ATRNL1: variants seen among roughly 807,000 people sequenced by gnomAD.
ATRNL1 encodes attractin-like protein 1.
A neutral mutation model predicts 182.7 loss-of-function variants in ATRNL1; 95 were observed. The observed-to-expected ratio is 0.52, with a 90% CI of 0.44 to 0.62. The LOEUF is 0.62. Ranked by LOEUF, ATRNL1 falls within the 20% of genes least tolerant of loss-of-function variation. The pLI, the probability that ATRNL1 is intolerant of heterozygous loss-of-function variation, is 0.00. For synonymous variants in ATRNL1, 576 were observed against 568.3 expected, an observed-to-expected ratio of 1.01 and a Z score of -0.19; for missense variants, 1,471 against 1,679.5, an observed-to-expected ratio of 0.88 and a Z score of 2.17.
At chr10:115,872,094 A>G (rs1951598939) in intron 28 of ATRNL1, among the ~76,000 whole-genome samples, 1 of 152,202 alleles carries the variant, frequency 6.6e-6, no homozygotes, top group Admixed American at 6.5e-5. Flanking sequence ...TATGGAGAAA[A>G]TTGGGTTATC....
chr10:115,357,122 T>C (rs1403864311), intron 19 of ATRNL1, among the ~76,000 whole-genome samples: 12 of 151,952 alleles, frequency 7.9e-5, no homozygotes, highest in African/African-American at 2.9e-4. Context: ...TAAGATGTTA[T>C]GATTGAACTT....
rs1311770441 is a variant in ATRNL1 at position 115,560,058 on chromosome 10, A to G, written c.3795+10522A>G. 3.3e-5 allele frequency among the ~76,000 whole-genome samples: 5 copies of G among 152,236 alleles called. No individual in the cohort carries two copies. The East Asian group carries it at 9.6e-4, about 29-fold the overall frequency. On this transcript the variant is annotated intron_variant, in intron 26 of 28. Coordinates refer to ENST00000355044, the MANE Select transcript of ATRNL1 (RefSeq NM_207303.4). ...GCAAGGTTCAGGATGCCAGAGCAAT[A>G]TAAAAATCAGTTGTATTTCTATACA...
At chr10:115,647,307 A>C (rs1395126261) in intron 26 of ATRNL1, among the ~76,000 whole-genome samples, 1 of 152,174 alleles carries the variant, frequency 6.6e-6, no homozygotes, top group Non-Finnish European at 1.5e-5. Context: ...TCCTTTGGGT[A>C]TATACCCAGT....
At chr10:115,466,503 C>A (rs2134551484) in intron 22 of ATRNL1, among the ~76,000 whole-genome samples, 1 of 151,314 alleles carries the variant, frequency 6.6e-6, no homozygotes, top group South Asian at 2.1e-4. Flanking sequence ...TCACAAAAAA[C>A]ATTTAAAGAA....
intron 19 of ATRNL1, among the ~76,000 whole-genome samples, chr10:115,355,833 C>CT (rs1363278080): frequency 1.3e-5 from 2 of 151,546 alleles, no homozygotes; most frequent in Admixed American, 6.6e-5. Context: ...TTTTGTTGAT[C>CT]TTTTTATAGG....
At chr10:115,903,414 C>A (rs1410333047) in intron 28 of ATRNL1, among the ~76,000 whole-genome samples, 1 of 152,120 alleles carries the variant, frequency 6.6e-6, no homozygotes, top group Non-Finnish European at 1.5e-5. Context: ...CTCTCCCTCC[C>A]CCTGTCTGGT....
chr10:115,339,893 G>T (rs946189407), intron 19 of ATRNL1, among the ~76,000 whole-genome samples: 8 of 152,052 alleles, frequency 5.3e-5, no homozygotes, highest in African/African-American at 1.9e-4. Flanking sequence ...CCAATTTTTT[G>T]AGGGTTTTTA....
intron 19 of ATRNL1, among the ~76,000 whole-genome samples, chr10:115,370,511 A>T (rs1469830645): frequency 6.6e-6 from 1 of 152,216 alleles, no homozygotes; most frequent in East Asian, 1.9e-4. Flanking sequence ...ACTGGAGCAG[A>T]AGTGACTCTT....
chr10:115,334,778 G>T (rs1216861654), intron 19 of ATRNL1, among the ~76,000 whole-genome samples: 1 of 151,986 alleles, frequency 6.6e-6, no homozygotes. Context: ...ATAATTAAAA[G>T]TTAAATGTGT....
chr10:115,216,921 A>G (rs1366175265), intron 9 of ATRNL1, among the ~76,000 whole-genome samples: 1 of 151,778 alleles, frequency 6.6e-6, no homozygotes, highest in Non-Finnish European at 1.5e-5. Flanking sequence ...TTTATTCTTT[A>G]TATTTTTATA....
chr10:115,754,545 G>T (rs566114388), intron 27 of ATRNL1, among the ~76,000 whole-genome samples: 5 of 152,228 alleles, frequency 3.3e-5, no homozygotes, highest in African/African-American at 1.2e-4. Flanking sequence ...ATCTGTTTTG[G>T]TACCAGTACC....
At chr10:115,154,579 T>C (rs1453923188) in intron 5 of ATRNL1, among the ~76,000 whole-genome samples, 2 of 152,150 alleles carry the variant, frequency 1.3e-5, no homozygotes, top group Non-Finnish European at 2.9e-5. Flanking sequence ...TGCCCTTTTT[T>C]GTTTTCCTTG....
intron 28 of ATRNL1, among the ~76,000 whole-genome samples, chr10:115,938,062 T>G (rs1555123285): frequency 1.3e-5 from 2 of 152,232 alleles, no homozygotes; most frequent in Admixed American, 6.5e-5. Context: ...AGTGAATGAC[T>G]TTTCTGAGGC....
At chr10:115,210,393 G>A (rs1848974135) in intron 8 of ATRNL1, among the ~76,000 whole-genome samples, 1 of 151,694 alleles carries the variant, frequency 6.6e-6, no homozygotes, top group Non-Finnish European at 1.5e-5. Flanking sequence ...TATCACACAT[G>A]TTGATATATC....
chr10:115,303,853 G>A (rs1197760934), intron 17 of ATRNL1, among the ~76,000 whole-genome samples: 1 of 151,794 alleles, frequency 6.6e-6, no homozygotes, highest in Non-Finnish European at 1.5e-5. Context: ...CTTGGAGTCT[G>A]GTGTATCTAT....
At chr10:115,317,140 C>T (rs1283097777) in intron 18 of ATRNL1, among the ~76,000 whole-genome samples, 1 of 152,088 alleles carries the variant, frequency 6.6e-6, no homozygotes, top group Non-Finnish European at 1.5e-5. Context: ...ATATGGCTAG[C>T]CAGTTTTCCC....
chr10:115,446,279 T>C (rs1846983176), intron 21 of ATRNL1, among the ~76,000 whole-genome samples: 1 of 152,090 alleles, frequency 6.6e-6, no homozygotes, highest in Non-Finnish European at 1.5e-5. Flanking sequence ...TTGACCTACA[T>C]AGCACTATTT....
Position 115,428,622 on chromosome 10 carries a change from A to G in ATRNL1, c.3322+2320A>G, listed in dbSNP as rs148323072. 6.0e-4 allele frequency among the ~76,000 whole-genome samples: 92 copies of G among 152,164 alleles called. No homozygotes were observed. In the East Asian group the frequency reaches 0.015, roughly 25 times the overall value. On this transcript the variant is annotated intron_variant, in intron 21 of 28. Transcript: ENST00000355044. ...TGTTTATGTCCAATGCATTTCCTGC[A>G]TTAATTTATATGATTATCAGAAATT...
intron 26 of ATRNL1, among the ~76,000 whole-genome samples, chr10:115,679,113 C>T (rs574496071): frequency 6.6e-6 from 1 of 152,192 alleles, no homozygotes; most frequent in East Asian, 1.9e-4. Flanking sequence ...TTCCTGGAAT[C>T]CCTGCATGGC....
Sources: gnomAD v4.1 joint callset for allele counts (sites outside exome capture counted in the v4.1 genomes callset) on GRCh38, gnomAD v4.1.1 for gene constraint, MANE v1.5 for transcripts, NCBI Gene and HGNC (gene_info 2026-07-23, HGNC 2026-07-21) for gene names.